The following SYTL4 variants were observed in gnomAD, a reference collection of about 807,000 sequenced individuals.
The protein encoded by SYTL4 is synaptotagmin like 4.
In SYTL4, 16 loss-of-function variants were observed where a neutral mutation model predicts 52.7. The observed-to-expected ratio is 0.30, with a 90% CI of 0.21 to 0.46. The LOEUF is 0.46. SYTL4 is among the 20% of genes least tolerant of loss of function. The probability of loss-of-function intolerance (pLI) is 1.00; values close to 1 mark genes in which losing one functional copy is unlikely to be tolerated. For synonymous variants in SYTL4, 160 were observed against 186.6 expected, an observed-to-expected ratio of 0.86 and a Z score of 1.16; for missense variants, 423 against 519.9, an observed-to-expected ratio of 0.81 and a Z score of 1.81.
At chrX:100,697,583 A>T (rs191718772) in intron 8 of SYTL4, among the ~76,000 whole-genome samples, 1 of 112,186 alleles carries the variant, frequency 8.9e-6, no homozygotes, top group Non-Finnish European at 1.9e-5. Context: ...GAAAACAAGT[A>T]GGTTTCATGT....
At chrX:100,702,440 A>G (rs977780932) in intron 4 of SYTL4, among the ~76,000 whole-genome samples, 14 of 112,169 alleles carry the variant, frequency 1.2e-4, no homozygotes, top group East Asian at 2.8e-4. Context: ...AATACTTTAA[A>G]TGTTCTCAAA....
chrX:100,715,007 CTTCT>C (rs1206840302), intron 2 of SYTL4, among the ~76,000 whole-genome samples: 1 of 111,179 alleles, frequency 9.0e-6, no homozygotes, highest in Non-Finnish European at 1.9e-5. Flanking sequence ...ATCTCTCATC[CTTCT>C]TTATTTCCAT....
At chrX:100,711,766 A>G (rs2084075215) in intron 2 of SYTL4, among the ~76,000 whole-genome samples, 1 of 110,739 alleles carries the variant, frequency 9.0e-6, no homozygotes, top group African/African-American at 3.3e-5. Context: ...CTATGAACAT[A>G]AAGCACCAGA....
At chrX:100,700,794 A>G (rs1452479133) in intron 8 of SYTL4, 103 bp downstream of exon 8, 2 of 672,605 alleles carry the variant, frequency 3.0e-6, no homozygotes, top group East Asian at 3.5e-5. Flanking sequence ...AAGTTTTCCT[A>G]TAATGAACAT....
chrX:100,723,682 G>A (rs1194303344), intron 2 of SYTL4, among the ~76,000 whole-genome samples: 1 of 108,551 alleles, frequency 9.2e-6, no homozygotes, highest in Non-Finnish European at 1.9e-5. Flanking sequence ...TGTGGGGAGC[G>A]CCTCTGCCCT....
chrX:100,708,905 G>A (rs975049027), intron 2 of SYTL4, among the ~76,000 whole-genome samples: 5 of 111,992 alleles, frequency 4.5e-5, no homozygotes, highest in Admixed American at 9.5e-5. Context: ...TTGCATGCAG[G>A]CCACACATAA....
At chrX:100,720,466 A>G (rs2084318806) in intron 2 of SYTL4, among the ~76,000 whole-genome samples, 3 of 112,148 alleles carry the variant, frequency 2.7e-5, no homozygotes, top group African/African-American at 6.5e-5. Flanking sequence ...CTTAGTCAAC[A>G]AGCTTTGATA....
chrX:100,681,487 C>G (rs1299181409), intron 16 of SYTL4, 152 bp from the exon 17 acceptor site: 4 of 441,881 alleles, frequency 9.1e-6, no homozygotes, highest in Non-Finnish European at 1.5e-5. Context: ...CGTCCCTAGG[C>G]CATGGCAGCC....
Position 100,702,243 on chromosome X carries a change from T to C in SYTL4, c.-70-136A>G, listed in dbSNP as rs185021530. The C allele has an allele frequency of 4.6e-3, 1,649 of 354,962 alleles. 5 individuals carry two copies. Among genetic ancestry groups the C allele is most frequent in the South Asian group, 7.6e-3 (140 of 18,327 alleles). 29.3% of individuals were successfully genotyped at this position (354,962 alleles called of 1,213,427 possible). On this transcript the variant is annotated intron_variant, in intron 4 of 19. Coordinates refer to ENST00000372989, the MANE Select transcript of SYTL4 (RefSeq NM_001370165.1). ...AAGTAGAAGTATCTGACCTATTTAG[T>C]CTTCCTACTCCCATCCGAAACATGC...
At chrX:100,709,527 G>A (rs1182040879) in intron 2 of SYTL4, among the ~76,000 whole-genome samples, 1 of 111,025 alleles carries the variant, frequency 9.0e-6, no homozygotes, top group Non-Finnish European at 1.9e-5. Flanking sequence ...CAAAAAGCTT[G>A]GAATTGAGCC....
Position 100,706,578 on chromosome X carries a change from A to G in SYTL4, c.-239-1692T>C, listed in dbSNP as rs1780671892. 2.7e-5 allele frequency among the ~76,000 whole-genome samples: 3 copies of G among 112,732 alleles called. No homozygotes were observed. The Admixed American group carries it at 2.8e-4, about 11-fold the overall frequency. Reference sequence around the variant, plus strand: ...ACAAAAATTAAAAGGCAAGAAGACAAAGGTAAGTGCAGAAAAAACTGAGAC... The same window carrying G: ...ACAAAAATTAAAAGGCAAGAAGACAGAGGTAAGTGCAGAAAAAACTGAGAC... On this transcript the variant is annotated intron_variant, in intron 2 of 19. Coordinates refer to ENST00000372989, the MANE Select transcript of SYTL4 (RefSeq NM_001370165.1).
rs757983001 is a variant in SYTL4 at position 100,718,811 on chromosome X, T to G, written c.-240+12607A>C. Among the ~76,000 whole-genome samples, 491 of 107,708 alleles carry G rather than the reference T, an allele frequency of 4.6e-3. 7 individuals are homozygous for G. The highest frequency in any genetic ancestry group is 0.028 in the East Asian group (96 of 3,443). The allele number at this position is 107,708 out of a possible 115,157, so 93.5% of individuals were successfully genotyped here. A position where few individuals can be genotyped will look rare whatever the true frequency, so the allele number is the denominator to read the frequency against. On this transcript the variant is annotated intron_variant, in intron 2 of 19. Coordinates refer to ENST00000372989, the MANE Select transcript of SYTL4 (RefSeq NM_001370165.1). ...GTGCTTTTCACTCCTTTTTTTTTTTTTGTGTGAGATGGAGTCTCACTCTGT... is the reference window on the plus strand; with the variant it reads ...GTGCTTTTCACTCCTTTTTTTTTTTGTGTGTGAGATGGAGTCTCACTCTGT...
At chrX:100,700,525 G>A (rs968025757) in intron 8 of SYTL4, among the ~76,000 whole-genome samples, 7 of 111,870 alleles carry the variant, frequency 6.3e-5, no homozygotes, top group African/African-American at 2.3e-4. Flanking sequence ...ATACATAGAA[G>A]ATATACGAAA....
intron 12 of SYTL4, 109 bp downstream of exon 12, chrX:100,689,746 TG>T: frequency 2.3e-6 from 1 of 431,455 alleles, no homozygotes; most frequent in Non-Finnish European, 3.9e-6. Context: ...AGTTTCATGT[TG>T]CCTTTTCTTA....
intron 2 of SYTL4, among the ~76,000 whole-genome samples, chrX:100,709,427 G>C (rs1354659362): frequency 8.9e-6 from 1 of 111,971 alleles, no homozygotes; most frequent in African/African-American, 3.2e-5. Flanking sequence ...GCTCGAACCT[G>C]GGAGGCGGAA....
Position 100,678,347 on chromosome X carries a change from A to G in SYTL4, c.1867+44T>C, listed in dbSNP as rs367844787. The G allele has an allele frequency of 1.1e-3, 1,170 of 1,039,522 alleles. 3 individuals carry two copies. Among genetic ancestry groups the G allele is most frequent in the Non-Finnish European group, 1.5e-3 (1,130 of 743,885 alleles). The allele number at this position is 1,039,522 out of a possible 1,213,427, so 85.7% of individuals were successfully genotyped here. A position where few individuals can be genotyped will look rare whatever the true frequency, so the allele number is the denominator to read the frequency against. On this transcript the variant is annotated intron_variant, in intron 19 of 19. Transcript: ENST00000372989. ...GGGAATGGTAATAGGAGTAAAATAG[A>G]CAAGAAGCCTTCAAACAAGTGAGGA...
At position 100,686,060 on chromosome X, in the gene SYTL4, T is replaced by C; in HGVS notation, c.1379A>G (p.Glu460Gly). Reference sequence around the variant, plus strand: ...CCAGGAATCCATCTGGATCTCTGCCTCTCCAAGGAAAGTGTTTCTGCCAAA... The same window carrying C: ...CCAGGAATCCATCTGGATCTCTGCCCCTCCAAGGAAAGTGTTTCTGCCAAA... The part of the protein sequence containing the change: ...GRFGRNTFLG[E>G]AEIQMDSWKL... Residue 460 changes from glutamate (E) to glycine (G), a missense_variant, in exon 16 of 20, where the codon GAG becomes GGG. Physicochemically the swap from Glu to Gly is moderately conservative, Grantham distance 98. Transcript: ENST00000372989. The C allele has an allele frequency of 8.3e-7, 1 of 1,208,115 alleles. No individual in the cohort carries two copies. The highest frequency in any genetic ancestry group is 1.8e-5 in the South Asian group (1 of 55,990).
chrX:100,691,261 C>A, intron 8 of SYTL4, 52 bp from the exon 9 acceptor site: 1 of 889,548 alleles, frequency 1.1e-6, no homozygotes, highest in Non-Finnish European at 1.6e-6. Flanking sequence ...TCTCCTGCCT[C>A]TAGTCAGGCC....
At chrX:100,682,835 CT>C (rs751227958) in intron 16 of SYTL4, among the ~76,000 whole-genome samples, 18 of 111,956 alleles carry the variant, frequency 1.6e-4, no homozygotes, top group African/African-American at 5.2e-4. Flanking sequence ...ATGTCTGTCT[CT>C]AACACTGCAG....
Sources: allele counts gnomAD v4.1 joint callset (sites outside exome capture counted in the v4.1 genomes callset), GRCh38; gene constraint gnomAD v4.1.1; transcripts MANE v1.5; gene names NCBI Gene and HGNC (gene_info 2026-07-23, HGNC 2026-07-21).